The following PPARGC1A variants were observed in gnomAD, a reference collection of about 807,000 sequenced individuals.
PPARGC1A encodes the protein peroxisome proliferator-activated receptor gamma coactivator 1-alpha.
PPARGC1A carries 25 observed loss-of-function variants against 88.7 expected under a neutral mutation model. The ratio of observed to expected loss-of-function variants is 0.28; its 90% confidence interval spans 0.21 to 0.39. The LOEUF (loss-of-function observed/expected upper bound fraction) is 0.39, where lower values mean the gene tolerates loss of function less well. Among genes scored for constraint, PPARGC1A ranks in the 10% least tolerant of loss-of-function variants. PPARGC1A has a pLI of 1.00. For missense variants in PPARGC1A, 880 were observed against 968.7 expected (o/e 0.91, Z 1.22); for synonymous variants, 363 against 355.6 (o/e 1.02, Z -0.24).
chr4:24,253,329 G>T, the PPARGC1A span, among the ~76,000 whole-genome samples: 2 of 152,092 alleles, frequency 1.3e-5, no homozygotes, highest in African/African-American at 2.4e-5. Flanking sequence ...CCTATTTAAC[G>T]TTATGAGCAC....
rs3217669 is a variant in PPARGC1A at position 23,824,108 on chromosome 4, GTT to G, written c.877+170_877+171del. On this transcript the variant is annotated intron_variant, in intron 7 of 12. Coordinates refer to ENST00000264867, the MANE Select transcript of PPARGC1A (RefSeq NM_013261.5). ...TTAAGCGCTTCAATATTTTTTATTA[GTT>G]TTTTTTTTTTAAATAAACAACTGGA... Among the ~76,000 whole-genome samples, 6 of 65,126 alleles carry G rather than the reference GTT, an allele frequency of 9.2e-5. No individual in the cohort carries two copies. The South Asian group carries it at 2.5e-3, about 27-fold the overall frequency. The allele number at this position is 65,126 out of a possible 152,430, so 42.7% of individuals were successfully genotyped here. A position where few individuals can be genotyped will look rare whatever the true frequency, so the allele number is the denominator to read the frequency against.
At chr4:24,438,195 G>A in the PPARGC1A span, among the ~76,000 whole-genome samples, 1 of 152,142 alleles carries the variant, frequency 6.6e-6, no homozygotes, top group South Asian at 2.1e-4. Flanking sequence ...TGATGTGGAG[G>A]AACAGGAAAA....
At chr4:24,229,152 C>CTTTTTTTGTTTTTTTTTTT in the PPARGC1A span, among the ~76,000 whole-genome samples, 1 of 60,894 alleles carries the variant, frequency 1.6e-5, no homozygotes, top group Non-Finnish European at 3.1e-5. Context: ...GTATCTGGAC[C>CTTTTTTTGTTTTTTTTTTT]TTTTTTTTTT....
the PPARGC1A span, among the ~76,000 whole-genome samples, chr4:24,342,359 C>T: frequency 6.6e-6 from 1 of 151,986 alleles, no homozygotes; most frequent in African/African-American, 2.4e-5. Flanking sequence ...TTATTTTTGT[C>T]TCCAATTACA....
At chr4:24,321,801 T>C in the PPARGC1A span, among the ~76,000 whole-genome samples, 141 of 152,306 alleles carry the variant, frequency 9.3e-4, 1 homozygote, top group African/African-American at 3.1e-3. Flanking sequence ...GCTATTTCTT[T>C]CCAATTCAAA....
intron 2 of PPARGC1A, among the ~76,000 whole-genome samples, chr4:23,845,717 C>T (rs1192795520): frequency 6.6e-6 from 1 of 152,136 alleles, no homozygotes; most frequent in African/African-American, 2.4e-5. Flanking sequence ...GTGCTCTGCA[C>T]AGAGCAACGG....
chr4:23,998,921 G>A, the PPARGC1A span, among the ~76,000 whole-genome samples: 802 of 152,208 alleles, frequency 5.3e-3, 35 homozygotes, highest in East Asian at 0.088. Context: ...ATTCCAAATG[G>A]GATACTGTGA....
At chr4:24,141,619 T>C in the PPARGC1A span, among the ~76,000 whole-genome samples, 1 of 152,210 alleles carries the variant, frequency 6.6e-6, no homozygotes, top group Non-Finnish European at 1.5e-5. Flanking sequence ...ATGCCACAGC[T>C]ATCTCACTAC....
chr4:23,818,839 CTTTTTTTTTTTTTTTTT>C (rs762478316), intron 7 of PPARGC1A, among the ~76,000 whole-genome samples: 3 of 49,022 alleles, frequency 6.1e-5, no homozygotes, highest in South Asian at 1.1e-3. Flanking sequence ...CCAATGGCAT[CTTTTTTTTTTTTTTTTT>C]TTTTTTTTTT....
At chr4:23,813,523 G>T (rs1721338961) in intron 8 of PPARGC1A, among the ~76,000 whole-genome samples, 167 bp downstream of exon 8, 1 of 152,226 alleles carries the variant, frequency 6.6e-6, no homozygotes, top group African/African-American at 2.4e-5. Flanking sequence ...AAGAGAACAT[G>T]GAGAGAGATG....
the PPARGC1A span, among the ~76,000 whole-genome samples, chr4:23,991,464 TG>T: frequency 2.0e-5 from 3 of 151,900 alleles, no homozygotes; most frequent in Non-Finnish European, 4.4e-5. Context: ...CCTTCAAACC[TG>T]GGGGCTCCTC....
the PPARGC1A span, among the ~76,000 whole-genome samples, chr4:24,452,185 T>C: frequency 2.6e-5 from 4 of 152,218 alleles, no homozygotes; most frequent in Admixed American, 2.6e-4. Flanking sequence ...ATTTTGGACT[T>C]ACCAAGCCTC....
chr4:24,191,032 G>A, the PPARGC1A span, among the ~76,000 whole-genome samples: 1 of 152,176 alleles, frequency 6.6e-6, no homozygotes, highest in African/African-American at 2.4e-5. Flanking sequence ...ACAGCTGCTG[G>A]ATGAAGAAAG....
At chr4:24,089,221 C>T in the PPARGC1A span, among the ~76,000 whole-genome samples, 11 of 152,278 alleles carry the variant, frequency 7.2e-5, no homozygotes, top group East Asian at 1.9e-4. Context: ...AAGTCACCCT[C>T]GCCACAAAGG....
chr4:23,844,762 A>AATAATATATGATATATATTG (rs1727894695), intron 2 of PPARGC1A, among the ~76,000 whole-genome samples: 1 of 109,902 alleles, frequency 9.1e-6, no homozygotes, highest in Non-Finnish European at 1.6e-5. Flanking sequence ...GATATATATT[A>AATAATATATGATATATATTG]TAATAATATA....
the PPARGC1A span, among the ~76,000 whole-genome samples, chr4:23,952,402 G>T: frequency 6.6e-6 from 1 of 152,096 alleles, no homozygotes; most frequent in Non-Finnish European, 1.5e-5. Context: ...AGAAAACCAG[G>T]AAGTGGGGTG....
the PPARGC1A span, among the ~76,000 whole-genome samples, chr4:24,253,998 GA>G: frequency 6.6e-6 from 1 of 152,232 alleles, no homozygotes; most frequent in South Asian, 2.1e-4. Context: ...GCCAAACACT[GA>G]TTTAATAATA....
chr4:24,132,094 C>CTGAA, the PPARGC1A span, among the ~76,000 whole-genome samples: 1 of 152,196 alleles, frequency 6.6e-6, no homozygotes, highest in African/African-American at 2.4e-5. Flanking sequence ...CATTCTCTTA[C>CTGAA]TGAATCCTTT....
At chr4:24,400,759 G>GT in the PPARGC1A span, among the ~76,000 whole-genome samples, 2 of 152,134 alleles carry the variant, frequency 1.3e-5, no homozygotes, top group Admixed American at 1.3e-4. Flanking sequence ...CTAGCTCATC[G>GT]TAAGACTGTC....
Sources: gnomAD v4.1 joint callset for allele counts (sites outside exome capture counted in the v4.1 genomes callset) on GRCh38, gnomAD v4.1.1 for gene constraint, MANE v1.5 for transcripts, NCBI Gene and HGNC (gene_info 2026-07-23, HGNC 2026-07-21) for gene names.